Variants in PEX3 observed in about 807,000 individuals in gnomAD.
PEX3 encodes peroxin-3.
Under a neutral mutation model 55.8 loss-of-function variants are expected in PEX3, and 30 were observed. That is an observed-to-expected ratio of 0.54 (90% CI 0.40 to 0.73). The LOEUF (loss-of-function observed/expected upper bound fraction) is 0.73, where lower values mean the gene tolerates loss of function less well. PEX3 is among the 30% of genes least tolerant of loss of function. The pLI is 0.00. For synonymous variants in PEX3, 135 were observed against 148.4 expected (o/e 0.91, Z 0.66); for missense variants, 351 against 432.8 (o/e 0.81, Z 1.68).
At chr6:143,478,406 A>G (rs1049736675) in intron 9 of PEX3, among the ~76,000 whole-genome samples, 4 of 152,126 alleles carry the variant, frequency 2.6e-5, no homozygotes, top group Non-Finnish European at 5.9e-5. Flanking sequence ...TCTAAGTCCT[A>G]CTTCAATAAA....
In PEX3 at chr6:143,458,291, A is replaced by G. The variant is rs1280104961; in HGVS notation, c.74-794A>G. 6.6e-6 allele frequency among the ~76,000 whole-genome samples: 1 copy of G among 152,096 alleles called. No individual in the cohort carries two copies. Among genetic ancestry groups the G allele is most frequent in the African/African-American group, 2.4e-5 (1 of 41,406 alleles). On this transcript the variant is annotated intron_variant, in intron 1 of 11. Coordinates refer to ENST00000367591, the MANE Select transcript of PEX3 (RefSeq NM_003630.3). This position sits in a 1 kb window ranked among gnomAD's most constrained non-coding sequence, Gnocchi z 6.1. ...AATCACAGGCCACATGACACCACCT[A>G]TATTCTTATCCTGTGGTGTTAGAAT...
rs371911883 is a variant in PEX3 at position 143,471,032 on chromosome 6, A to G, written c.403A>G (p.Ile135Val). The stretch of plus-strand genomic sequence containing the variant: ...TGTTCTTTTGCGGGTCCAGTTAAAC[A>G]TAATTGGTGGATATATTTACCTGGA... Reference protein sequence around the residue: ...LVVLLRVQLNIIGGYIYLDNA... With the variant: ...LVVLLRVQLNVIGGYIYLDNA... The change falls in exon 5 of 12, where the codon ATA becomes GTA. Residue 135 changes from isoleucine to valine, a missense_variant. By Grantham distance (29) the Ile-to-Val change is conservative. Transcript: ENST00000367591. The surrounding 1 kb of genome is among the most constrained non-coding windows in gnomAD (Gnocchi z 5.4). 4 of 1,612,606 alleles carry G rather than the reference A, an allele frequency of 2.5e-6. No homozygotes were observed. The highest frequency in any genetic ancestry group is 2.5e-6 in the Non-Finnish European group (3 of 1,178,828).
chr6:143,459,195 C>G lies in PEX3; in HGVS notation c.184C>G (p.Gln62Glu), dbSNP rs483352724. Residue 62 changes from glutamine to glutamate, a missense_variant, in exon 2 of 12, where the codon CAG becomes GAG. Gln to Glu is a conservative substitution (Grantham distance 29). Coordinates refer to ENST00000367591, the MANE Select transcript of PEX3 (RefSeq NM_003630.3). This position sits in a 1 kb window ranked among gnomAD's most constrained non-coding sequence, Gnocchi z 4.2. ...ARRQYHFESNQRTCNMTVLSM... is the reference protein window; with the variant it reads ...ARRQYHFESNERTCNMTVLSM... ...ACGACAATATCATTTTGAAAGTAACCAGAGGACTTGCAATATGACAGGTAA... is the reference window on the plus strand; with the variant it reads ...ACGACAATATCATTTTGAAAGTAACGAGAGGACTTGCAATATGACAGGTAA... The G allele has an allele frequency of 6.2e-7, 1 of 1,612,426 alleles. No homozygotes were observed. Among genetic ancestry groups the G allele is most frequent in the South Asian group, 1.1e-5 (1 of 91,020 alleles).
At position 143,463,387 on chromosome 6, in the gene PEX3, C is replaced by T. The variant is rs1022582070; in HGVS notation, c.287+390C>T. 3.3e-5 allele frequency among the ~76,000 whole-genome samples: 5 copies of T among 152,112 alleles called. No individual in the cohort carries two copies. Among genetic ancestry groups the T allele is most frequent in the Middle Eastern group, 3.2e-3 (1 of 316 alleles). Reference sequence around the variant, plus strand: ...CGGTGTAATACAGCATGTGAACATACGTTTTAAATAAATAAGATATACAGG... The same window carrying T: ...CGGTGTAATACAGCATGTGAACATATGTTTTAAATAAATAAGATATACAGG... On this transcript the variant is annotated intron_variant, in intron 3 of 11. Coordinates refer to ENST00000367591, the MANE Select transcript of PEX3 (RefSeq NM_003630.3). This position sits in a 1 kb window ranked among gnomAD's most constrained non-coding sequence, Gnocchi z 5.7.
intron 2 of PEX3, among the ~76,000 whole-genome samples, chr6:143,460,441 A>G (rs541253650): frequency 2.5e-3 from 388 of 152,336 alleles, no homozygotes; most frequent in Non-Finnish European, 4.4e-3. Context: ...TGCTTGATGT[A>G]TGATAAATAC....
At position 143,489,176 on chromosome 6, in the gene PEX3, G is replaced by C; in HGVS notation, c.1072G>C (p.Ala358Pro). The C allele has an allele frequency of 6.2e-7, 1 of 1,610,346 alleles. No individual in the cohort carries two copies. The change falls in exon 12 of 12, where the codon GCT (alanine) becomes CCT (proline). Residue 358 changes from alanine to proline, a missense_variant. Coordinates refer to ENST00000367591, the MANE Select transcript of PEX3 (RefSeq NM_003630.3). The surrounding 1 kb of genome is among the most constrained non-coding windows in gnomAD (Gnocchi z 5.5). Reference protein sequence around the residue: ...LLTMEQVKDFAANVYEAFSTP... With the variant: ...LLTMEQVKDFPANVYEAFSTP... ...GACAATGGAGCAAGTGAAAGACTTTGCTGCTAATGTGTATGAAGCTTTTAG... is the reference window on the plus strand; with the variant it reads ...GACAATGGAGCAAGTGAAAGACTTTCCTGCTAATGTGTATGAAGCTTTTAG...
At chr6:143,474,316 G>A (rs544346029) in intron 8 of PEX3, among the ~76,000 whole-genome samples, 5 of 151,972 alleles carry the variant, frequency 3.3e-5, no homozygotes, top group African/African-American at 4.8e-5. Context: ...AAACTTAGCC[G>A]GTCGTGGTGG....
At chr6:143,484,943 A>C in intron 10 of PEX3, 2 of 536,918 alleles carry the variant, frequency 3.7e-6, no homozygotes, top group Non-Finnish European at 6.7e-6. Flanking sequence ...ACAAAAAAAC[A>C]AAGATATGTG....
chr6:143,471,165 T>A lies in PEX3; in HGVS notation c.456+80T>A. The A allele has an allele frequency of 1.6e-6, 2 of 1,231,164 alleles. No individual in the cohort carries two copies. Among genetic ancestry groups the A allele is most frequent in the South Asian group, 2.5e-5 (2 of 78,994 alleles). The allele number at this position is 1,231,164 out of a possible 1,614,324, so 76.3% of individuals were successfully genotyped here. On this transcript the variant is annotated intron_variant, in intron 5 of 11. Transcript: ENST00000367591. The surrounding 1 kb of genome is among the most constrained non-coding windows in gnomAD (Gnocchi z 5.4). ...TTAACTTATTTATCCTGATAACAATTTCTATGAAATAAATATTTTTATATT... is the reference window on the plus strand; with the variant it reads ...TTAACTTATTTATCCTGATAACAATATCTATGAAATAAATATTTTTATATT...
In PEX3 at chr6:143,489,024, G is replaced by T; in HGVS notation, c.1039-119G>T. 1.4e-6 allele frequency: 1 copy of T among 706,986 alleles called. No homozygotes were observed. The highest frequency in any genetic ancestry group is 2.6e-6 in the Non-Finnish European group (1 of 388,684). 43.8% of individuals were successfully genotyped at this position (706,986 alleles called of 1,614,324 possible). A position where few individuals can be genotyped will look rare whatever the true frequency, so the allele number is the denominator to read the frequency against. Reference sequence around the variant, plus strand: ...GAAAAACTACTCATTTTCTTAAATGGTTTGCCTCTTGGCCTTTACCACAAA... The same window carrying T: ...GAAAAACTACTCATTTTCTTAAATGTTTTGCCTCTTGGCCTTTACCACAAA... On this transcript the variant is annotated intron_variant, in intron 11 of 11. Coordinates refer to ENST00000367591, the MANE Select transcript of PEX3 (RefSeq NM_003630.3). This position sits in a 1 kb window ranked among gnomAD's most constrained non-coding sequence, Gnocchi z 5.5.
At position 143,487,595 on chromosome 6, in the gene PEX3, A is replaced by G. The variant is rs1780337934; in HGVS notation, c.1039-1548A>G. ...TTGTCAAGTAGAATCTAAATTACAA[A>G]AAAAGATTGTTCTATAATATGGCTG... is the stretch of plus-strand genomic sequence containing the variant. On this transcript the variant is annotated intron_variant, in intron 11 of 11. Coordinates refer to ENST00000367591, the MANE Select transcript of PEX3 (RefSeq NM_003630.3). The surrounding 1 kb of genome is among the most constrained non-coding windows in gnomAD (Gnocchi z 5.3). Among the ~76,000 whole-genome samples the G allele has an allele frequency of 6.6e-6, 1 of 152,160 alleles. No individual in the cohort carries two copies. Among genetic ancestry groups the G allele is most frequent in the African/African-American group, 2.4e-5 (1 of 41,452 alleles).
At position 143,471,092 on chromosome 6, in the gene PEX3, T is replaced by C. The variant is rs375200858; in HGVS notation, c.456+7T>C. 8 of 1,611,346 alleles carry C rather than the reference T, an allele frequency of 5.0e-6. No individual in the cohort carries two copies. In the African/African-American group the frequency reaches 1.1e-4, roughly 22 times the overall value. On this transcript the variant is annotated splice_region_variant and intron_variant, in intron 5 of 11. Coordinates refer to ENST00000367591, the MANE Select transcript of PEX3 (RefSeq NM_003630.3). The surrounding 1 kb of genome is among the most constrained non-coding windows in gnomAD (Gnocchi z 5.4). The stretch of plus-strand genomic sequence containing the variant: ...AGTTGGCAAAAATGGCACTGTAAGT[T>C]TAATAGACTTAAATAGACATTGTTC...
In PEX3 at chr6:143,486,394, A is replaced by G. The variant is rs76743004; in HGVS notation, c.1038+1146A>G. Among the ~76,000 whole-genome samples, 1,465 of 152,224 alleles carry G rather than the reference A, an allele frequency of 9.6e-3. 21 individuals carry two copies. Among genetic ancestry groups the G allele is most frequent in the African/African-American group, 0.033 (1,382 of 41,544 alleles). ...AAATTACAACCAAGCATAAAGCATCATCAGCCTTAATGCTTAAATAATTTT... is the reference window on the plus strand; with the variant it reads ...AAATTACAACCAAGCATAAAGCATCGTCAGCCTTAATGCTTAAATAATTTT... On this transcript the variant is annotated intron_variant, in intron 11 of 11. Transcript: ENST00000367591. This position sits in a 1 kb window ranked among gnomAD's most constrained non-coding sequence, Gnocchi z 5.0.
At chr6:143,456,990 AT>A (rs553460469) in intron 1 of PEX3, among the ~76,000 whole-genome samples, 62 of 152,326 alleles carry the variant, frequency 4.1e-4, no homozygotes, top group African/African-American at 8.7e-4. Flanking sequence ...CCTAAAAAAA[AT>A]CATCAGATTT....
In PEX3 at chr6:143,479,214, A is replaced by T. The variant is rs773733286; in HGVS notation, c.941+16A>T. 1.3e-6 allele frequency: 2 copies of T among 1,584,306 alleles called. No homozygotes were observed. The highest frequency in any genetic ancestry group is 2.2e-5 in the South Asian group (2 of 90,420). On this transcript the variant is annotated intron_variant, in intron 10 of 11. Coordinates refer to ENST00000367591, the MANE Select transcript of PEX3 (RefSeq NM_003630.3). This position sits in a 1 kb window ranked among gnomAD's most constrained non-coding sequence, Gnocchi z 4.6. ...CTATGAATAGGTAAGATGACATATAAAAATGTTATACTAATGAATGCTCTA... is the reference window on the plus strand; with the variant it reads ...CTATGAATAGGTAAGATGACATATATAAATGTTATACTAATGAATGCTCTA...
rs1431399499 is a variant in PEX3, at chr6:143,458,008, G to A, written c.74-1077G>A. On this transcript the variant is annotated intron_variant, in intron 1 of 11. Transcript: ENST00000367591. The surrounding 1 kb of genome is among the most constrained non-coding windows in gnomAD (Gnocchi z 6.1). ...ATATGAATATTACTAAAATGTTTTA[G>A]CTAGTCCAGTATCTTGAAAACCATT... 1.3e-5 allele frequency among the ~76,000 whole-genome samples: 2 copies of A among 152,156 alleles called. No individual in the cohort carries two copies. The highest frequency in any genetic ancestry group is 2.9e-5 in the Non-Finnish European group (2 of 68,012).
At chr6:143,455,107 T>G (rs1584000868) in intron 1 of PEX3, among the ~76,000 whole-genome samples, 1 of 152,328 alleles carries the variant, frequency 6.6e-6, no homozygotes, top group Admixed American at 6.5e-5. Flanking sequence ...TATTGCGTTC[T>G]GAGTCCCAGT....
rs2128744852 is a variant in PEX3 at position 143,451,270 on chromosome 6, G to A, written c.73+155G>A. Among the ~76,000 whole-genome samples the A allele has an allele frequency of 6.6e-6, 1 of 152,190 alleles. No individual in the cohort carries two copies. On this transcript the variant is annotated intron_variant, in intron 1 of 11. Transcript: ENST00000367591. The surrounding 1 kb of genome is among the most constrained non-coding windows in gnomAD (Gnocchi z 4.1). ...GAAAAGGGAGGTGGCCAACCTCCAG[G>A]GTTCTCCCATCTCTGCAGTTGAGAA...
At chr6:143,452,883 G>A (rs1779794794) in intron 1 of PEX3, among the ~76,000 whole-genome samples, 1 of 152,136 alleles carries the variant, frequency 6.6e-6, no homozygotes, top group African/African-American at 2.4e-5. Flanking sequence ...ATTTTTAATA[G>A]TAACAGCTAC....
Sources: allele counts gnomAD v4.1 joint callset (sites outside exome capture counted in the v4.1 genomes callset), GRCh38; gene constraint gnomAD v4.1.1; non-coding constraint Gnocchi (gnomAD v3.1); transcripts MANE v1.5; gene names NCBI Gene and HGNC (gene_info 2026-07-23, HGNC 2026-07-21).